Variants in TULP3 observed in about 807,000 individuals in gnomAD.
TULP3 encodes TUB like protein 3.
A neutral mutation model predicts 50.7 loss-of-function variants in TULP3; 38 were observed. The ratio of observed to expected loss-of-function variants is 0.75; its 90% CI spans 0.58 to 0.98. The LOEUF is 0.98. Among genes scored for constraint, TULP3 ranks in the 50% least tolerant of loss-of-function variants. TULP3 has a pLI of 0.00. For synonymous variants in TULP3, 183 were observed against 196.6 expected (o/e 0.93, Z 0.58); for missense variants, 550 against 568.0 (o/e 0.97, Z 0.32).
intron 3 of TULP3, among the ~76,000 whole-genome samples, chr12:2,921,538 C>T (rs191588124): frequency 5.9e-5 from 9 of 152,100 alleles, no homozygotes; most frequent in South Asian, 4.2e-4. Context: ...ATCATGAAGC[C>T]GGGAATAGGT....
At chr12:2,930,445 G>A in intron 5 of TULP3, 100 bp downstream of exon 5, 3 of 787,194 alleles carry the variant, frequency 3.8e-6, no homozygotes, top group Non-Finnish European at 5.7e-6. Flanking sequence ...ATTTTTTGAG[G>A]TGGAGTCTCG....
chr12:2,907,102 C>T (rs1018512477), intron 1 of TULP3, among the ~76,000 whole-genome samples: 1 of 152,016 alleles, frequency 6.6e-6, no homozygotes, highest in African/African-American at 2.4e-5. Context: ...CTTTGGGAAG[C>T]CGAGGTGGGC....
In TULP3 at chr12:2,933,427, C is replaced by G. The variant is rs1320069996; in HGVS notation, c.706C>G (p.Leu236Val). ...CTTTTTCTTTTCCCAGATATTTCTT[C>G]TTGCAGCTAGAAAGCGGAAAAAGAG... is the stretch of plus-strand genomic sequence containing the variant. ...EKEENQKIFLLAARKRKKSKT... is the reference protein window; with the variant it reads ...EKEENQKIFLVAARKRKKSKT... The change falls in exon 7 of 11, where the codon CTT becomes GTT. Residue 236 changes from leucine to valine, a missense_variant. Transcript: ENST00000448120. 4.3e-6 allele frequency: 7 copies of G among 1,611,224 alleles called. No homozygotes were observed. Among genetic ancestry groups the G allele is most frequent in the Non-Finnish European group, 5.9e-6 (7 of 1,177,660 alleles).
chr12:2,911,664 C>CTCTTTTTT (rs2098185711), intron 2 of TULP3, among the ~76,000 whole-genome samples: 1 of 38,132 alleles, frequency 2.6e-5, no homozygotes, highest in Non-Finnish European at 5.1e-5. Context: ...TGCGCCCAGC[C>CTCTTTTTT]TTTTTTTTTT....
chr12:2,898,352 A>G (rs1265455847), intron 1 of TULP3, among the ~76,000 whole-genome samples: 1 of 151,990 alleles, frequency 6.6e-6, no homozygotes, highest in Non-Finnish European at 1.5e-5. Flanking sequence ...TTTTTTTCAG[A>G]TGGGGTCTTG....
At chr12:2,910,722 T>A (rs952973240) in intron 2 of TULP3, among the ~76,000 whole-genome samples, 12 of 152,192 alleles carry the variant, frequency 7.9e-5, no homozygotes, top group African/African-American at 2.9e-4. Context: ...TCTAGCCTAA[T>A]AAATTATTTT....
intron 3 of TULP3, among the ~76,000 whole-genome samples, chr12:2,921,488 A>G (rs2098191723): frequency 6.6e-6 from 1 of 152,132 alleles, no homozygotes; most frequent in Non-Finnish European, 1.5e-5. Flanking sequence ...AGAATGACCT[A>G]TTTGAGGAGC....
At chr12:2,928,900 G>A (rs1016994220) in intron 4 of TULP3, among the ~76,000 whole-genome samples, 2 of 152,026 alleles carry the variant, frequency 1.3e-5, no homozygotes, top group Non-Finnish European at 2.9e-5. Context: ...AGCTGAGATG[G>A]TGCCACTGCA....
chr12:2,890,999 G>T lies in TULP3; in HGVS notation c.41+11G>T. The T allele has an allele frequency of 6.3e-7, 1 of 1,582,488 alleles. No homozygotes were observed. Among genetic ancestry groups the T allele is most frequent in the Non-Finnish European group, 8.6e-7 (1 of 1,165,810 alleles). On this transcript the variant is annotated intron_variant, in intron 1 of 10. Transcript: ENST00000448120. ...TCCCAGCGGCGACAGGTCAGACAGG[G>T]CCGTGGCAGGTCTCCTCCTGAGCGA...
chr12:2,892,376 G>A (rs1285829638), intron 1 of TULP3, among the ~76,000 whole-genome samples: 1 of 151,876 alleles, frequency 6.6e-6, no homozygotes, highest in Non-Finnish European at 1.5e-5. Context: ...TTGTTCAGTT[G>A]TGGGCGCTCA....
At chr12:2,902,705 G>C (rs1358887385) in intron 1 of TULP3, among the ~76,000 whole-genome samples, 1 of 152,056 alleles carries the variant, frequency 6.6e-6, no homozygotes, top group Non-Finnish European at 1.5e-5. Context: ...TGGTCTGTTG[G>C]GTATAGCACT....
chr12:2,937,092 G>A (rs1454589611), intron 8 of TULP3, among the ~76,000 whole-genome samples: 1 of 148,116 alleles, frequency 6.8e-6, no homozygotes. Context: ...GCGACAGAGC[G>A]TGACTCTGTC....
chr12:2,902,838 T>C (rs1457151791), intron 1 of TULP3, among the ~76,000 whole-genome samples: 1 of 151,754 alleles, frequency 6.6e-6, no homozygotes, highest in African/African-American at 2.4e-5. Context: ...GAGCATAATT[T>C]AGGTGCTAGA....
At chr12:2,911,083 T>C (rs1335978629) in intron 2 of TULP3, among the ~76,000 whole-genome samples, 1 of 151,998 alleles carries the variant, frequency 6.6e-6, no homozygotes, top group Non-Finnish European at 1.5e-5. Context: ...TATAGATACA[T>C]TTTCTGAGTT....
At chr12:2,891,823 G>A (rs2098172268) in intron 1 of TULP3, among the ~76,000 whole-genome samples, 1 of 152,072 alleles carries the variant, frequency 6.6e-6, no homozygotes, top group African/African-American at 2.4e-5. Context: ...GGAGGCCAAG[G>A]CAGGAGGATC....
At chr12:2,893,639 G>A (rs1443973685) in intron 1 of TULP3, among the ~76,000 whole-genome samples, 1 of 151,018 alleles carries the variant, frequency 6.6e-6, no homozygotes, top group Non-Finnish European at 1.5e-5. Context: ...TAATGTTTTT[G>A]ATGAAATACA....
chr12:2,903,213 CAAAATGTATATTTTCTTTTTTTCTCTTTG>C (rs1565497799), intron 1 of TULP3, among the ~76,000 whole-genome samples: 1 of 151,960 alleles, frequency 6.6e-6, no homozygotes, highest in Non-Finnish European at 1.5e-5. Flanking sequence ...AAAAAATTAC[CAAAATGTATATTTTCTTTTTTTCTCTTTG>C]AAAATGTATA....
In TULP3 at chr12:2,922,345, G is replaced by GAAAACACCGTGGATACTGCT; in HGVS notation, c.338_357dup (p.Ser120LysfsTer25). ...CTCCTCTGTTGTGGAAGAAGATGCTGAAAACACCGTGGATACTGCTTCCAA... is the reference window on the plus strand; with the variant it reads ...CTCCTCTGTTGTGGAAGAAGATGCTGAAAACACCGTGGATACTGCTAAAACACCGTGGATACTGCTTCCAA... On this transcript the variant is annotated frameshift_variant, in exon 4 of 11. Transcript: ENST00000448120. LOFTEE classifies it high-confidence loss of function. 6.2e-7 allele frequency: 1 copy of GAAAACACCGTGGATACTGCT among 1,614,152 alleles called. No individual in the cohort carries two copies. The highest frequency in any genetic ancestry group is 8.5e-7 in the Non-Finnish European group (1 of 1,180,032).
At position 2,928,083 on chromosome 12, in the gene TULP3, G is replaced by C. The variant is rs113007357; in HGVS notation, c.395-2165G>C. ...ACAATAGAAAACAAAAAGACTATCA[G>C]TATCTCCTCCTCTAACTCAAATGTA... On this transcript the variant is annotated intron_variant, in intron 4 of 10. Coordinates refer to ENST00000448120, the MANE Select transcript of TULP3 (RefSeq NM_003324.5). Among the ~76,000 whole-genome samples, 846 of 152,266 alleles carry C rather than the reference G, an allele frequency of 5.6e-3. 12 individuals carry two copies. The highest frequency in any genetic ancestry group is 5.0e-3 in the Non-Finnish European group (338 of 68,022).
Sources: gnomAD v4.1 joint callset for allele counts (sites outside exome capture counted in the v4.1 genomes callset) on GRCh38, gnomAD v4.1.1 for gene constraint, MANE v1.5 for transcripts, NCBI Gene and HGNC (gene_info 2026-07-23, HGNC 2026-07-21) for gene names.